MRE11: variants seen among roughly 807,000 people sequenced by gnomAD.
The protein encoded by MRE11 is MRE11 double strand break repair nuclease, also known as double-strand break repair protein MRE11.
A neutral mutation model predicts 91.7 loss-of-function variants in MRE11; 62 were observed. The observed-to-expected ratio is 0.68, with a 90% CI of 0.55 to 0.84. The LOEUF (loss-of-function observed/expected upper bound fraction) is 0.84. Ranked by LOEUF, MRE11 falls within the 40% of genes least tolerant of loss-of-function variation. The pLI, the probability that MRE11 is intolerant of heterozygous loss-of-function variation, is 0.00. For synonymous variants in MRE11, 273 were observed against 271.4 expected (o/e 1.01, Z -0.06); for missense variants, 796 against 852.9 (o/e 0.93, Z 0.83).
the MRE11 span, among the ~76,000 whole-genome samples, chr11:94,510,887 C>G: frequency 6.6e-6 from 1 of 152,194 alleles, no homozygotes; most frequent in Non-Finnish European, 1.5e-5. Flanking sequence ...CAAATCAAAT[C>G]TTAGGCAGAA....
At chr11:94,457,907 A>G (rs1212737449) in intron 13 of MRE11, among the ~76,000 whole-genome samples, 1 of 151,478 alleles carries the variant, frequency 6.6e-6, no homozygotes, top group African/African-American at 2.4e-5. Context: ...ACACACACAC[A>G]CACACACCCC....
intron 14 of MRE11, among the ~76,000 whole-genome samples, chr11:94,454,550 T>C (rs1946198990): frequency 6.6e-6 from 1 of 152,124 alleles, no homozygotes. Context: ...CTAAATAGTA[T>C]GCTGAAAATG....
intron 3 of MRE11, among the ~76,000 whole-genome samples, chr11:94,490,243 A>G (rs13447593): frequency 0.031 from 4,747 of 152,204 alleles, 268 homozygotes; most frequent in African/African-American, 0.11. Flanking sequence ...AATTGACTAC[A>G]GGGCCCCTAA....
At chr11:94,449,846 T>A (rs1946050492) in intron 14 of MRE11, among the ~76,000 whole-genome samples, 1 of 152,224 alleles carries the variant, frequency 6.6e-6, no homozygotes, top group African/African-American at 2.4e-5. Context: ...CATATCTTAA[T>A]AGAAAAGATA....
intron 15 of MRE11, among the ~76,000 whole-genome samples, chr11:94,446,133 C>T (rs770652433): frequency 2.0e-5 from 3 of 152,198 alleles, no homozygotes; most frequent in African/African-American, 7.2e-5. Context: ...ATAGGCTGGA[C>T]GTGGTAGCTC....
At chr11:94,467,398 G>GA (rs34452895) in intron 10 of MRE11, among the ~76,000 whole-genome samples, 7,251 of 152,100 alleles carry the variant, frequency 0.048, 432 homozygotes, top group African/African-American at 0.14. Context: ...GTGAAATCAG[G>GA]GCACTGGAGA....
intron 3 of MRE11, among the ~76,000 whole-genome samples, chr11:94,488,004 G>A (rs1947185536): frequency 6.6e-6 from 1 of 152,170 alleles, no homozygotes; most frequent in Non-Finnish European, 1.5e-5. Flanking sequence ...CAAATCAAGA[G>A]AATGAGTAAA....
At chr11:94,503,376 G>A in the MRE11 span, among the ~76,000 whole-genome samples, 2 of 152,160 alleles carry the variant, frequency 1.3e-5, no homozygotes, top group Non-Finnish European at 2.9e-5. Context: ...AAAAATCCTA[G>A]TAGTTGAAAA....
chr11:94,427,430 A>AAC (rs1259240140), intron 19 of MRE11, among the ~76,000 whole-genome samples: 1 of 152,166 alleles, frequency 6.6e-6, no homozygotes, highest in Non-Finnish European at 1.5e-5. Flanking sequence ...ATCCACAACC[A>AAC]ACATCATGCT....
At chr11:94,497,261 G>T, upstream of MRE11, 2 of 497,622 alleles carry the variant, frequency 4.0e-6, no homozygotes, top group East Asian at 3.0e-5. Context: ...AACTATACCA[G>T]GTACCTTATT....
At chr11:94,447,528 T>C (rs1287591056) in intron 14 of MRE11, 90 bp from the exon 15 acceptor site, 10 of 1,295,830 alleles carry the variant, frequency 7.7e-6, no homozygotes, top group African/African-American at 1.5e-5. Context: ...GAACTAATCA[T>C]ACTATAAAAA....
intron 16 of MRE11, 34 bp from the exon 17 acceptor site, chr11:94,437,269 A>G: frequency 6.3e-7 from 1 of 1,598,434 alleles, no homozygotes; most frequent in Non-Finnish European, 8.5e-7. Context: ...GCATTATGTT[A>G]TTCTTAAAAT....
chr11:94,455,239 G>T (rs1021773417), intron 14 of MRE11, among the ~76,000 whole-genome samples: 2 of 152,096 alleles, frequency 1.3e-5, no homozygotes, highest in African/African-American at 2.4e-5. Flanking sequence ...ATGACCTTGA[G>T]TCTGGTCTGT....
intron 11 of MRE11, among the ~76,000 whole-genome samples, chr11:94,461,574 C>T (rs893222452): frequency 1.3e-5 from 2 of 152,136 alleles, no homozygotes; most frequent in Non-Finnish European, 2.9e-5. Context: ...ACAGGGATGC[C>T]CTCTCTCATC....
At chr11:94,460,895 T>A (rs376309948) in intron 12 of MRE11, 41 bp downstream of exon 12, 1 of 1,471,206 alleles carries the variant, frequency 6.8e-7, no homozygotes, top group Non-Finnish European at 9.5e-7. Context: ...TCTGTTACTA[T>A]AAGGTAGCCA....
intron 3 of MRE11, 89 bp from the exon 4 acceptor site, chr11:94,486,173 CAA>C: frequency 7.8e-7 from 1 of 1,276,344 alleles, no homozygotes; most frequent in African/African-American, 1.5e-5. Context: ...AAAAAACTCA[CAA>C]AAGACACTAT....
intron 11 of MRE11, among the ~76,000 whole-genome samples, chr11:94,462,827 C>T (rs1053358563): frequency 6.6e-6 from 1 of 152,176 alleles, no homozygotes; most frequent in African/African-American, 2.4e-5. Flanking sequence ...CACAAAAACC[C>T]TAGAAGAAAA....
At chr11:94,451,903 A>G (rs971979379) in intron 14 of MRE11, among the ~76,000 whole-genome samples, 4 of 152,154 alleles carry the variant, frequency 2.6e-5, no homozygotes, top group Admixed American at 6.5e-5. Context: ...TTACAAATCA[A>G]TTAGAGAAAG....
At chr11:94,479,793 T>C (rs1054916236) in intron 4 of MRE11, 32 bp from the exon 5 acceptor site, 28 of 1,565,450 alleles carry the variant, frequency 1.8e-5, no homozygotes, top group South Asian at 3.3e-5. Flanking sequence ...AAAATTTCCA[T>C]ACGGGACAAA....
Sources: gnomAD v4.1 joint callset for allele counts (sites outside exome capture counted in the v4.1 genomes callset) on GRCh38, gnomAD v4.1.1 for gene constraint, MANE v1.5 for transcripts, NCBI Gene and HGNC (gene_info 2026-07-23, HGNC 2026-07-21) for gene names.